Variants in LZTS1 observed in about 807,000 individuals in gnomAD.
LZTS1 encodes the protein leucine zipper putative tumor suppressor 1.
In LZTS1, 31 loss-of-function variants were observed where a neutral mutation model predicts 45.8. The ratio of observed to expected loss-of-function variants is 0.68; its 90% confidence interval spans 0.51 to 0.91. The LOEUF is 0.91. LZTS1 is among the 40% of genes least tolerant of loss of function. The probability of loss-of-function intolerance (pLI) is 0.00; values close to 1 mark genes in which losing one functional copy is unlikely to be tolerated. For synonymous variants in LZTS1, 359 were observed against 357.3 expected (o/e 1.00, Z -0.05); for missense variants, 821 against 788.9 (o/e 1.04, Z -0.49).
chr8:20,250,100 C>T lies in LZTS1; in HGVS notation c.1413G>A (p.Leu471=). The T allele has an allele frequency of 1.2e-6, 2 of 1,607,220 alleles. No homozygotes were observed. Among genetic ancestry groups the T allele is most frequent in the Non-Finnish European group, 1.7e-6 (2 of 1,179,360 alleles). ...AELLREKVNL[L]EQELQELRAQ... is the part of the protein sequence containing the mutation. Reference sequence around the variant, plus strand: ...CCCGCAGCTCCTGCAGCTCCTGCTCCAGCAGGTTCACCTTCTCCCGCAGCA... The same window carrying T: ...CCCGCAGCTCCTGCAGCTCCTGCTCTAGCAGGTTCACCTTCTCCCGCAGCA... Residue 471 remains leucine (L), a synonymous_variant, in exon 4 of 4, where the codon CTG becomes CTA. Coordinates refer to ENST00000381569, the MANE Select transcript of LZTS1 (RefSeq NM_021020.5).
intron 1 of LZTS1, among the ~76,000 whole-genome samples, chr8:20,285,760 G>A (rs1011154857): frequency 3.3e-5 from 5 of 152,206 alleles, no homozygotes; most frequent in Non-Finnish European, 7.3e-5. Context: ...CTAAGCTGGA[G>A]GGTGTATATC....
At chr8:20,298,761 G>A (rs1585306482) in intron 1 of LZTS1, among the ~76,000 whole-genome samples, 2 of 152,052 alleles carry the variant, frequency 1.3e-5, no homozygotes, top group African/African-American at 4.8e-5. Flanking sequence ...CTACTTGGGA[G>A]TCTGAGGAGA....
At chr8:20,272,199 C>T (rs1800487052) in intron 1 of LZTS1, among the ~76,000 whole-genome samples, 1 of 152,204 alleles carries the variant, frequency 6.6e-6, no homozygotes, top group African/African-American at 2.4e-5. Context: ...AACCTGTCTT[C>T]CCAGGTCATC....
chr8:20,298,663 G>T (rs970514199), intron 1 of LZTS1, among the ~76,000 whole-genome samples: 1 of 152,120 alleles, frequency 6.6e-6, no homozygotes, highest in Non-Finnish European at 1.5e-5. Flanking sequence ...AGGGGTTCAA[G>T]ACCAGCCTGA....
rs771480443 is a variant in LZTS1, at chr8:20,253,441, G to C, written c.490C>G (p.Pro164Ala). The C allele has an allele frequency of 1.7e-5, 28 of 1,611,800 alleles. 1 individual carries two copies. In the South Asian group the frequency reaches 2.9e-4, roughly 16 times the overall value. ...GACAGCGCCCCAGAGCACAGGCCAG[G>C]CTTCAGCTCCTGCTCCTTGGGCTTG... ...PDKPKEQELK[P>A]GLCSGALSDS... Residue 164 changes from proline (P) to alanine (A), a missense_variant, in exon 3 of 4, where the codon CCT (proline) becomes GCT (alanine). Transcript: ENST00000381569.
At chr8:20,271,008 C>T (rs1288524067) in intron 1 of LZTS1, among the ~76,000 whole-genome samples, 7 of 152,050 alleles carry the variant, frequency 4.6e-5, no homozygotes, top group African/African-American at 1.7e-4. Context: ...TTAACCTGGT[C>T]CCTCAGGGAG....
chr8:20,268,655 AT>A (rs1417156239), intron 1 of LZTS1, among the ~76,000 whole-genome samples: 4 of 150,924 alleles, frequency 2.7e-5, no homozygotes, highest in Non-Finnish European at 5.9e-5. Flanking sequence ...CTCGATACAG[AT>A]TTTCTGAGTG....
intron 1 of LZTS1, among the ~76,000 whole-genome samples, chr8:20,270,757 A>C (rs559493481): frequency 6.6e-6 from 1 of 151,460 alleles, no homozygotes; most frequent in East Asian, 2.0e-4. Flanking sequence ...CCTCACCCCT[A>C]CTTCAGTAGG....
At chr8:20,267,328 G>A (rs1234715277) in intron 1 of LZTS1, among the ~76,000 whole-genome samples, 1 of 151,884 alleles carries the variant, frequency 6.6e-6, no homozygotes, top group Non-Finnish European at 1.5e-5. Flanking sequence ...GCAGAGGTGC[G>A]GGAGTTGGGG....
Position 20,253,141 on chromosome 8 carries a change from G to T in LZTS1, c.790C>A (p.Gln264Lys). The T allele has an allele frequency of 6.2e-7, 1 of 1,613,056 alleles. No individual in the cohort carries two copies. Among genetic ancestry groups the T allele is most frequent in the Non-Finnish European group, 8.5e-7 (1 of 1,179,896 alleles). Reference protein sequence around the residue: ...SPISTDECSIQELEQKLLERE... With the variant: ...SPISTDECSIKELEQKLLERE... The stretch of plus-strand genomic sequence containing the variant: ...TCCAACAGCTTCTGCTCCAGCTCCT[G>T]GATGCTGCACTCGTCCGTGGAGATG... Residue 264 changes from glutamine to lysine, a missense_variant, in exon 3 of 4, where the codon CAG becomes AAG. Coordinates refer to ENST00000381569, the MANE Select transcript of LZTS1 (RefSeq NM_021020.5).
intron 1 of LZTS1, among the ~76,000 whole-genome samples, chr8:20,272,093 C>A (rs969197771): frequency 6.6e-6 from 1 of 152,212 alleles, no homozygotes; most frequent in Non-Finnish European, 1.5e-5. Context: ...TAGCACTGAG[C>A]AGAACAGAAT....
intron 1 of LZTS1, among the ~76,000 whole-genome samples, chr8:20,286,603 A>T (rs910722905): frequency 1.3e-5 from 2 of 152,238 alleles, no homozygotes; most frequent in African/African-American, 4.8e-5. Context: ...GGCTGTGTCT[A>T]TCCAAGTTGA....
At chr8:20,300,531 A>G (rs896919572) in intron 1 of LZTS1, among the ~76,000 whole-genome samples, 4 of 151,866 alleles carry the variant, frequency 2.6e-5, no homozygotes, top group African/African-American at 9.7e-5. Flanking sequence ...ACGGTGTTTC[A>G]CCGTGTTAGC....
Position 20,303,948 on chromosome 8 carries a change from G to A in LZTS1, c.-343C>T. The stretch of plus-strand genomic sequence containing the variant: ...GCCGCTGCCAACCCGCCAGCTCCAG[G>A]CGCGCCGGCCTCTGCGCGGGTCCCG... On this transcript the variant is annotated 5_prime_UTR_variant, in exon 1 of 4. Coordinates refer to ENST00000381569, the MANE Select transcript of LZTS1 (RefSeq NM_021020.5). 2.0e-6 allele frequency: 2 copies of A among 976,018 alleles called. No homozygotes were observed. The highest frequency in any genetic ancestry group is 2.4e-6 in the Non-Finnish European group (2 of 822,788). 60.5% of individuals were successfully genotyped at this position (976,018 alleles called of 1,614,324 possible).
intron 2 of LZTS1, 148 bp downstream of exon 2, chr8:20,254,689 A>G: frequency 3.1e-6 from 2 of 646,434 alleles, no homozygotes; most frequent in Non-Finnish European, 5.3e-6. Context: ...GTGTGGCCAC[A>G]GGCTTCCGCC....
intron 1 of LZTS1, among the ~76,000 whole-genome samples, chr8:20,267,568 T>C (rs926805673): frequency 6.6e-6 from 1 of 152,114 alleles, no homozygotes; most frequent in African/African-American, 2.4e-5. Context: ...CAGGCTGGAG[T>C]GCAGTGATGT....
At chr8:20,303,373 C>G (rs948485791) in intron 1 of LZTS1, among the ~76,000 whole-genome samples, 1 of 152,158 alleles carries the variant, frequency 6.6e-6, no homozygotes, top group Non-Finnish European at 1.5e-5. Context: ...GCCTCGCGTC[C>G]CCACCTCCCA....
intron 1 of LZTS1, among the ~76,000 whole-genome samples, chr8:20,278,739 A>G (rs556622011): frequency 6.6e-5 from 10 of 152,306 alleles, no homozygotes; most frequent in Admixed American, 2.0e-4. Context: ...GAATGAATGA[A>G]TGGACTTTCT....
Position 20,249,489 on chromosome 8 carries a change from C to G in LZTS1, c.*233G>C, listed in dbSNP as rs1799822746. 1.7e-6 allele frequency: 1 copy of G among 578,968 alleles called. No individual in the cohort carries two copies. Among genetic ancestry groups the G allele is most frequent in the Non-Finnish European group, 3.0e-6 (1 of 328,938 alleles). The allele number at this position is 578,968 out of a possible 1,614,324, so 35.9% of individuals were successfully genotyped here. ...GCAGACAGACCCCTGGACCCATCTC[C>G]TGGGAAAGCCAGAGGAGTCAGGGCC... On this transcript the variant is annotated 3_prime_UTR_variant, in exon 4 of 4. Coordinates refer to ENST00000381569, the MANE Select transcript of LZTS1 (RefSeq NM_021020.5).
Sources: allele counts gnomAD v4.1 joint callset (sites outside exome capture counted in the v4.1 genomes callset), GRCh38; gene constraint gnomAD v4.1.1; transcripts MANE v1.5; gene names NCBI Gene and HGNC (gene_info 2026-07-23, HGNC 2026-07-21).